Variants in PPFIA2 observed in about 807,000 individuals in gnomAD.
The protein encoded by PPFIA2 is PPFI scaffold protein A2.
A neutral mutation model predicts 175.5 loss-of-function variants in PPFIA2; 46 were observed. The ratio of observed to expected loss-of-function variants is 0.26; its 90% CI spans 0.21 to 0.34. The LOEUF is 0.34. Ranked by LOEUF, PPFIA2 falls within the 10% of genes least tolerant of loss-of-function variation. The pLI is 1.00. For missense variants in PPFIA2, 1,179 were observed against 1,506.1 expected, an observed-to-expected ratio of 0.78 and a Z score of 3.60; for synonymous variants, 568 against 511.4, an observed-to-expected ratio of 1.11 and a Z score of -1.49.
chr12:81,617,846 G>A (rs2061563732), intron 4 of PPFIA2, among the ~76,000 whole-genome samples: 1 of 152,196 alleles, frequency 6.6e-6, no homozygotes, highest in South Asian at 2.1e-4. Context: ...ATTCTTCTGT[G>A]TAGAGTTTCC....
intron 4 of PPFIA2, among the ~76,000 whole-genome samples, chr12:81,510,668 A>C (rs2061673661): frequency 6.6e-6 from 1 of 152,188 alleles, no homozygotes; most frequent in South Asian, 2.1e-4. Flanking sequence ...CCCTGAGTTA[A>C]GAATAACCCG....
chr12:81,345,039 C>T (rs1415578542), intron 18 of PPFIA2, among the ~76,000 whole-genome samples: 1 of 152,060 alleles, frequency 6.6e-6, no homozygotes, highest in Non-Finnish European at 1.5e-5. Context: ...GAGACTGCAT[C>T]TTTTCAAGAA....
chr12:81,369,038 G>T lies in PPFIA2; in HGVS notation c.1350+73C>A, dbSNP rs1334015992. ...TAAATATAACCCATACTCAGTTAAA[G>T]GCTTTCTTCTTATATACAGAATACG... On this transcript the variant is annotated intron_variant, in intron 12 of 32. Transcript: ENST00000549396. The T allele has an allele frequency of 2.2e-6, 3 of 1,349,600 alleles. No individual in the cohort carries two copies. The East Asian group carries it at 7.2e-5, about 32-fold the overall frequency. The allele number at this position is 1,349,600 out of a possible 1,614,324, so 83.6% of individuals were successfully genotyped here.
At chr12:81,366,898 G>A (rs1221014773) in intron 14 of PPFIA2, among the ~76,000 whole-genome samples, 1 of 151,558 alleles carries the variant, frequency 6.6e-6, no homozygotes, top group Non-Finnish European at 1.5e-5. Context: ...TTTCTGAAGT[G>A]CTAATTTTTG....
intron 16 of PPFIA2, among the ~76,000 whole-genome samples, chr12:81,355,698 C>T (rs2060762343): frequency 1.3e-5 from 2 of 152,194 alleles, no homozygotes; most frequent in Non-Finnish European, 2.9e-5. Context: ...AAGATGGCTT[C>T]CTTCCTTAAA....
At chr12:81,426,540 G>A (rs2047167417) in intron 7 of PPFIA2, among the ~76,000 whole-genome samples, 1 of 151,914 alleles carries the variant, frequency 6.6e-6, no homozygotes, top group Admixed American at 6.6e-5. Flanking sequence ...AATAGTATAT[G>A]GTAAATACCA....
intron 3 of PPFIA2, chr12:81,687,395 A>C (rs2074573604): frequency 6.6e-6 from 1 of 152,040 alleles, no homozygotes; most frequent in Admixed American, 6.6e-5. Flanking sequence ...TCTTATGTCT[A>C]GAAAGCCACC....
intron 4 of PPFIA2, among the ~76,000 whole-genome samples, chr12:81,490,932 T>C (rs2059356849): frequency 6.6e-6 from 1 of 151,998 alleles, no homozygotes; most frequent in Admixed American, 6.6e-5. Flanking sequence ...CAGAACTTTA[T>C]TCCTTCAAGG....
chr12:81,739,322 A>G (rs1276775271), intron 3 of PPFIA2, among the ~76,000 whole-genome samples: 4 of 152,082 alleles, frequency 2.6e-5, no homozygotes, highest in Non-Finnish European at 5.9e-5. Flanking sequence ...AGCAACATCA[A>G]CTGCCACAGA....
intron 3 of PPFIA2, among the ~76,000 whole-genome samples, chr12:81,680,300 C>T (rs1003741155): frequency 5.3e-5 from 8 of 151,862 alleles, no homozygotes; most frequent in African/African-American, 1.9e-4. Flanking sequence ...TTTATAAGTG[C>T]TTTGTAGACA....
intron 4 of PPFIA2, among the ~76,000 whole-genome samples, chr12:81,657,879 C>G (rs1019570710): frequency 2.6e-5 from 4 of 151,914 alleles, no homozygotes; most frequent in Non-Finnish European, 5.9e-5. Flanking sequence ...TAAAAATAAC[C>G]CCCCCAACCC....
At chr12:81,712,746 G>T (rs1311302824) in intron 3 of PPFIA2, among the ~76,000 whole-genome samples, 1 of 150,452 alleles carries the variant, frequency 6.6e-6, no homozygotes, top group Non-Finnish European at 1.5e-5. Flanking sequence ...TTTTAAGTGG[G>T]ACATCACTTT....
At chr12:81,505,282 A>G (rs964683121) in intron 4 of PPFIA2, among the ~76,000 whole-genome samples, 4 of 151,976 alleles carry the variant, frequency 2.6e-5, no homozygotes, top group East Asian at 1.9e-4. Context: ...AAAAAAAAAA[A>G]AAAGAAAGAA....
chr12:81,405,575 T>A (rs1162614584), intron 8 of PPFIA2, among the ~76,000 whole-genome samples: 1 of 152,104 alleles, frequency 6.6e-6, no homozygotes, highest in African/African-American at 2.4e-5. Flanking sequence ...AATATGTGTA[T>A]ATGCATACAC....
At chr12:81,355,536 A>G (rs1306147067) in intron 16 of PPFIA2, among the ~76,000 whole-genome samples, 1 of 152,200 alleles carries the variant, frequency 6.6e-6, no homozygotes, top group African/African-American at 2.4e-5. Flanking sequence ...CCTAGCTGGC[A>G]TCTTCTTCCA....
intron 21 of PPFIA2, among the ~76,000 whole-genome samples, chr12:81,330,918 TAC>T (rs1175322528): frequency 1.3e-5 from 2 of 152,238 alleles, no homozygotes; most frequent in Non-Finnish European, 2.9e-5. Flanking sequence ...ATGTAACAAA[TAC>T]AGTCATAATT....
intron 4 of PPFIA2, among the ~76,000 whole-genome samples, chr12:81,575,135 A>G (rs917554370): frequency 2.0e-5 from 3 of 151,860 alleles, no homozygotes; most frequent in Admixed American, 6.6e-5. Context: ...TAAGAATGTT[A>G]CATTTCTATC....
chr12:81,277,464 G>A (rs1338382142), intron 27 of PPFIA2, 50 bp from the exon 28 acceptor site: 21 of 1,437,086 alleles, frequency 1.5e-5, no homozygotes, highest in Non-Finnish European at 1.8e-5. Context: ...ACCTTAGCAG[G>A]TGGAGAAAGT....
chr12:81,310,735 C>A (rs2050563034), intron 22 of PPFIA2, among the ~76,000 whole-genome samples: 1 of 152,124 alleles, frequency 6.6e-6, no homozygotes, highest in South Asian at 2.1e-4. Context: ...ACCTGCCTTG[C>A]ATTTTTAAGA....
Sources: gnomAD v4.1 joint callset for allele counts (sites outside exome capture counted in the v4.1 genomes callset) on GRCh38, gnomAD v4.1.1 for gene constraint, MANE v1.5 for transcripts, NCBI Gene and HGNC (gene_info 2026-07-23, HGNC 2026-07-21) for gene names.